The following SCFD2 variants were observed in gnomAD, a reference collection of about 807,000 sequenced individuals.
SCFD2 encodes the protein sec1 family domain containing 2.
A neutral mutation model predicts 58.9 loss-of-function variants in SCFD2; 54 were observed. The ratio of observed to expected loss-of-function variants is 0.92; its 90% CI spans 0.74 to 1.15. The LOEUF is 1.15. Among genes scored for constraint, SCFD2 ranks in the 50% most tolerant of loss-of-function variants. The probability of loss-of-function intolerance (pLI) is 0.00; values close to 1 mark genes in which losing one functional copy is unlikely to be tolerated. For synonymous variants in SCFD2, 321 were observed against 335.9 expected, an observed-to-expected ratio of 0.96 and a Z score of 0.49; for missense variants, 805 against 836.6, an observed-to-expected ratio of 0.96 and a Z score of 0.47.
chr4:52,900,337 G>C (rs1234523464), intron 7 of SCFD2, among the ~76,000 whole-genome samples: 1 of 152,172 alleles, frequency 6.6e-6, no homozygotes, highest in Non-Finnish European at 1.5e-5. Context: ...TGGTGTGGAT[G>C]TCCTTTCTGT....
At chr4:53,216,240 T>C (rs1445473551) in intron 4 of SCFD2, among the ~76,000 whole-genome samples, 1 of 152,192 alleles carries the variant, frequency 6.6e-6, no homozygotes, top group Admixed American at 6.5e-5. Flanking sequence ...CCTCCTTGTA[T>C]CTCTGGTAGA....
At chr4:53,312,766 A>G (rs574654872) in intron 3 of SCFD2, among the ~76,000 whole-genome samples, 45 of 152,282 alleles carry the variant, frequency 3.0e-4, no homozygotes, top group African/African-American at 9.1e-4. Flanking sequence ...TTCCCATCCA[A>G]TAAAATGTAC....
intron 5 of SCFD2, among the ~76,000 whole-genome samples, chr4:53,053,447 C>T (rs12331589): frequency 0.017 from 2,564 of 152,132 alleles, 76 homozygotes; most frequent in African/African-American, 0.059. Flanking sequence ...AAACAGAGAT[C>T]CCACTGGTCA....
At chr4:53,337,242 G>A (rs1250134799) in intron 2 of SCFD2, among the ~76,000 whole-genome samples, 4 of 152,198 alleles carry the variant, frequency 2.6e-5, no homozygotes, top group Non-Finnish European at 4.4e-5. Context: ...GCATGCATGT[G>A]TATGGTGTCT....
At chr4:52,885,667 G>A (rs1332606079) in intron 8 of SCFD2, 80 bp downstream of exon 8, 1 of 1,541,770 alleles carries the variant, frequency 6.5e-7, no homozygotes, top group African/African-American at 1.4e-5. Context: ...GGGGCACTGG[G>A]ACCCATAGGT....
intron 4 of SCFD2, among the ~76,000 whole-genome samples, chr4:53,147,944 T>C (rs1726383805): frequency 6.6e-6 from 1 of 152,166 alleles, no homozygotes; most frequent in South Asian, 2.1e-4. Flanking sequence ...CTTTATAAGC[T>C]GCCAAAAGTA....
chr4:52,875,134 G>A (rs1181589073), intron 8 of SCFD2, among the ~76,000 whole-genome samples: 1 of 152,188 alleles, frequency 6.6e-6, no homozygotes, highest in Non-Finnish European at 1.5e-5. Context: ...TCCCAGCGCA[G>A]ACAGGCTGGC....
intron 3 of SCFD2, among the ~76,000 whole-genome samples, chr4:53,311,638 T>A (rs1732692946): frequency 1.6e-5 from 2 of 121,408 alleles, no homozygotes; most frequent in Admixed American, 1.9e-4. Context: ...TTTCCTTGAT[T>A]CACAATTTTT....
chr4:53,350,774 A>G (rs1222024567), intron 2 of SCFD2, among the ~76,000 whole-genome samples: 1 of 152,206 alleles, frequency 6.6e-6, no homozygotes. Context: ...CTATGGCACA[A>G]TCTTGGCTCA....
At chr4:52,940,073 T>G (rs1208126610) in intron 5 of SCFD2, among the ~76,000 whole-genome samples, 2 of 152,258 alleles carry the variant, frequency 1.3e-5, no homozygotes, top group Non-Finnish European at 2.9e-5. Context: ...GGCAATTTGC[T>G]TGCTAGTCTT....
chr4:53,222,717 G>A (rs1729084493), intron 4 of SCFD2, among the ~76,000 whole-genome samples: 1 of 151,946 alleles, frequency 6.6e-6, no homozygotes, highest in Admixed American at 6.5e-5. Context: ...CATGATTTCA[G>A]AGATATGTCA....
intron 4 of SCFD2, among the ~76,000 whole-genome samples, chr4:53,168,133 C>T (rs1332173987): frequency 6.6e-6 from 1 of 152,118 alleles, no homozygotes; most frequent in African/African-American, 2.4e-5. Flanking sequence ...AGATAACAAG[C>T]CAACAAAAAG....
intron 4 of SCFD2, among the ~76,000 whole-genome samples, chr4:53,223,002 A>G (rs2148996844): frequency 6.6e-6 from 1 of 152,320 alleles, no homozygotes; most frequent in Admixed American, 6.5e-5. Context: ...TGGAACCCAT[A>G]TGGCACACAA....
chr4:53,012,542 C>T (rs1395088645), intron 5 of SCFD2, among the ~76,000 whole-genome samples: 2 of 152,094 alleles, frequency 1.3e-5, no homozygotes, highest in African/African-American at 4.8e-5. Context: ...TGAAATAGTT[C>T]TCCTAACAGC....
At chr4:53,327,170 T>C (rs1733228071) in intron 2 of SCFD2, among the ~76,000 whole-genome samples, 1 of 151,806 alleles carries the variant, frequency 6.6e-6, no homozygotes, top group East Asian at 1.9e-4. Flanking sequence ...GGGTATCGTC[T>C]TGGGGAGGGT....
chr4:53,081,152 T>C (rs2148857903), intron 5 of SCFD2, among the ~76,000 whole-genome samples: 1 of 152,314 alleles, frequency 6.6e-6, no homozygotes, highest in South Asian at 2.1e-4. Flanking sequence ...ATTATCTTAG[T>C]GTGTGTGTTT....
chr4:53,249,555 G>T (rs1158474589), intron 4 of SCFD2, among the ~76,000 whole-genome samples: 1 of 152,190 alleles, frequency 6.6e-6, no homozygotes, highest in Non-Finnish European at 1.5e-5. Flanking sequence ...CAGCCAGAGA[G>T]AAAGGTCAGG....
intron 6 of SCFD2, among the ~76,000 whole-genome samples, chr4:52,918,045 C>T (rs1380958860): frequency 6.6e-6 from 1 of 151,978 alleles, no homozygotes; most frequent in Non-Finnish European, 1.5e-5. Flanking sequence ...GAACAGGAAC[C>T]CAGGGCCAGG....
intron 5 of SCFD2, among the ~76,000 whole-genome samples, chr4:53,133,054 T>C (rs1343406252): frequency 6.6e-6 from 1 of 152,060 alleles, no homozygotes; most frequent in African/African-American, 2.4e-5. Context: ...TGAGGCCGGG[T>C]GCGGTGGCTC....
Sources: allele counts gnomAD v4.1 joint callset (sites outside exome capture counted in the v4.1 genomes callset), GRCh38; gene constraint gnomAD v4.1.1; transcripts MANE v1.5; gene names NCBI Gene and HGNC (gene_info 2026-07-23, HGNC 2026-07-21).